DIP2A: variants seen among roughly 807,000 people sequenced by gnomAD.
DIP2A encodes disco-interacting protein 2 homolog A.
DIP2A carries 85 observed loss-of-function variants against 177.4 expected under a neutral mutation model. The ratio of observed to expected loss-of-function variants is 0.48; its 90% CI spans 0.40 to 0.57. The LOEUF (loss-of-function observed/expected upper bound fraction) is 0.57. Ranked by LOEUF, DIP2A falls within the 20% of genes least tolerant of loss-of-function variation. The pLI is 0.00. For missense variants in DIP2A, 1,791 were observed against 2,100.2 expected, an observed-to-expected ratio of 0.85 and a Z score of 2.88; for synonymous variants, 886 against 881.8, an observed-to-expected ratio of 1.00 and a Z score of -0.08.
the DIP2A span, among the ~76,000 whole-genome samples, chr21:46,577,648 C>CT: frequency 2.0e-5 from 3 of 151,988 alleles, no homozygotes; most frequent in Non-Finnish European, 4.4e-5. Context: ...TTTAAAATAG[C>CT]TTTTTTTCTA....
Position 46,497,075 on chromosome 21 carries a change from T to G in DIP2A, c.371T>G (p.Val124Gly), listed in dbSNP as rs373442777. The change falls in exon 4 of 38, where the codon GTG becomes GGG. Residue 124 changes from valine (V) to glycine (G), a missense_variant. By Grantham distance (109) the Val-to-Gly change is moderately radical. Coordinates refer to ENST00000417564, the MANE Select transcript of DIP2A (RefSeq NM_015151.4). ...PMPSKRRSVL[V>G]HSSVETYTPP... ...CCTTCGAAGAGACGTTCTGTCCTTG[T>G]GCATTCGTCTGTGGAAACCTACACC... 6 of 1,613,976 alleles carry G rather than the reference T, an allele frequency of 3.7e-6. No homozygotes were observed. Among genetic ancestry groups the G allele is most frequent in the Non-Finnish European group, 5.1e-6 (6 of 1,179,876 alleles).
Position 46,557,584 on chromosome 21 carries a change from G to A in DIP2A, c.3630-1G>A. 1.2e-6 allele frequency: 2 copies of A among 1,606,506 alleles called. No individual in the cohort carries two copies. Among genetic ancestry groups the A allele is most frequent in the Non-Finnish European group, 1.7e-6 (2 of 1,174,562 alleles). ...AGCCTCACGAGCCTTCCCTCTCGCA[G>A]TGTCTACTCGGGACACCAATCAGTG... On this transcript the variant is annotated splice_acceptor_variant, in intron 30 of 37. Transcript: ENST00000417564. LOFTEE classifies it high-confidence loss of function. The surrounding 1 kb of genome is among the most constrained non-coding windows in gnomAD (Gnocchi z 6.0).
the DIP2A span, among the ~76,000 whole-genome samples, chr21:46,583,054 G>C: frequency 1.3e-5 from 2 of 152,132 alleles, no homozygotes; most frequent in Admixed American, 1.3e-4. Context: ...ACAGTAAAAG[G>C]ATGAGAAAAG....
Position 46,537,625 on chromosome 21 carries a change from T to G in DIP2A, c.1801+86T>G. On this transcript the variant is annotated intron_variant, in intron 15 of 37. Coordinates refer to ENST00000417564, the MANE Select transcript of DIP2A (RefSeq NM_015151.4). The surrounding 1 kb of genome is among the most constrained non-coding windows in gnomAD (Gnocchi z 4.1). The stretch of plus-strand genomic sequence containing the variant: ...TTTGGTGCTTAAGAAAAAATAAAGC[T>G]GACATGTGGAACTGCAGATGTAGGC... The G allele has an allele frequency of 7.4e-7, 1 of 1,343,714 alleles. No homozygotes were observed. Among genetic ancestry groups the G allele is most frequent in the East Asian group, 2.3e-5 (1 of 43,430 alleles). 83.2% of individuals were successfully genotyped at this position (1,343,714 alleles called of 1,614,324 possible). A position where few individuals can be genotyped will look rare whatever the true frequency, so the allele number is the denominator to read the frequency against.
Position 46,550,656 on chromosome 21 carries a change from T to G in DIP2A, c.2751T>G (p.Phe917Leu). ...ACATTTCTGAAACCAAACAGCGCTT[T>G]CTGGAAGGGACGCTGCACCCGTGTA... ...GIHISETKQRFLEGTLHPCNV... is the reference protein window; with the variant it reads ...GIHISETKQRLLEGTLHPCNV... Residue 917 changes from phenylalanine to leucine, a missense_variant, in exon 23 of 38, where the codon TTT (phenylalanine) becomes TTG (leucine). By Grantham distance (22) the Phe-to-Leu change is conservative (BLOSUM62 0). Coordinates refer to ENST00000417564, the MANE Select transcript of DIP2A (RefSeq NM_015151.4). 1 of 1,614,008 alleles carries G rather than the reference T, an allele frequency of 6.2e-7. No homozygotes were observed. The highest frequency in any genetic ancestry group is 8.5e-7 in the Non-Finnish European group (1 of 1,179,910).
In DIP2A at chr21:46,458,979, T is replaced by C. The variant is rs11701121; in HGVS notation, c.-153T>C. The C allele has an allele frequency of 0.29, 151,112 of 521,434 alleles. 22,632 individuals carry two copies. The highest frequency in any genetic ancestry group is 0.44 in the East Asian group (11,596 of 26,622). The allele number at this position is 521,434 out of a possible 1,614,324, so 32.3% of individuals were successfully genotyped here. A position where few individuals can be genotyped will look rare whatever the true frequency, so the allele number is the denominator to read the frequency against. ...GCTCGTGCCCGCGCGGGTGCGTTGC[T>C]GTCCTGGCCGCGCCCCTGTCCCGCC... On this transcript the variant is annotated 5_prime_UTR_variant, in exon 1 of 38. Coordinates refer to ENST00000417564, the MANE Select transcript of DIP2A (RefSeq NM_015151.4).
chr21:46,567,262 T>C (rs2060863757), intron 37 of DIP2A, 108 bp from the exon 38 acceptor site: 2 of 1,474,532 alleles, frequency 1.4e-6, no homozygotes, highest in Non-Finnish European at 1.8e-6. Context: ...AATAGCTGTG[T>C]GACATTGGTG....
At chr21:46,573,645 C>CAAAA (rs201994694), downstream of DIP2A, among the ~76,000 whole-genome samples, 44 of 52,972 alleles carry the variant, frequency 8.3e-4, 5 homozygotes, top group South Asian at 1.5e-3. Flanking sequence ...CCCTCTCTCA[C>CAAAA]AAAAAAAAAA....
chr21:46,495,281 T>TCTCTCTC (rs1555883154), intron 3 of DIP2A, among the ~76,000 whole-genome samples: 9 of 147,540 alleles, frequency 6.1e-5, no homozygotes, highest in East Asian at 2.0e-4. Context: ...TCTCTCTCTG[T>TCTCTCTC]TTTTGAGATG....
intron 1 of DIP2A, among the ~76,000 whole-genome samples, chr21:46,469,904 G>A (rs2055196753): frequency 6.6e-6 from 1 of 152,006 alleles, no homozygotes; most frequent in South Asian, 2.1e-4. Context: ...TATCATCAGG[G>A]CAGGTCAGGG....
In DIP2A at chr21:46,539,248, G is replaced by A. The variant is rs141886685; in HGVS notation, c.1922-629G>A. ...CACACACCTGTTGACCAGGTATTAG[G>A]GGTTTTCTTGTTTGTTAACCTGCAT... On this transcript the variant is annotated intron_variant, in intron 16 of 37. Coordinates refer to ENST00000417564, the MANE Select transcript of DIP2A (RefSeq NM_015151.4). 2.3e-4 allele frequency: 37 copies of A among 163,146 alleles called. No individual in the cohort carries two copies. The East Asian group carries it at 5.2e-3, about 23-fold the overall frequency. 10.1% of individuals were successfully genotyped at this position (163,146 alleles called of 1,614,324 possible). A position where few individuals can be genotyped will look rare whatever the true frequency, so the allele number is the denominator to read the frequency against.
chr21:46,532,135 C>T lies in DIP2A; in HGVS notation c.1203C>T (p.Leu401=), dbSNP rs552860774. The change falls in exon 10 of 38, where the codon CTC becomes CTT. Residue 401 remains leucine (L), a synonymous_variant. Transcript: ENST00000417564. ...TCTTTGTCCTGTTGTAGGTGGCGCT[C>T]GTGTTTCCGAATAGTGACCCTGTGA... ...PLLKPGDRVA[L]VFPNSDPVMF... 1.5e-5 allele frequency: 25 copies of T among 1,613,298 alleles called. No homozygotes were observed. Among genetic ancestry groups the T allele is most frequent in the East Asian group, 4.5e-5 (2 of 44,876 alleles).
intron 3 of DIP2A, among the ~76,000 whole-genome samples, chr21:46,495,244 T>TTCTC (rs371550332): frequency 0.013 from 497 of 38,084 alleles, 21 homozygotes; most frequent in East Asian, 0.051. Flanking sequence ...CTTCTCTTCT[T>TTCTC]TCTCTCTCTC....
At chr21:46,474,264 A>G (rs1431707442) in intron 1 of DIP2A, among the ~76,000 whole-genome samples, 3 of 152,214 alleles carry the variant, frequency 2.0e-5, no homozygotes, top group Non-Finnish European at 2.9e-5. Flanking sequence ...AGGAGATCTG[A>G]GTGGTGGGAC....
chr21:46,526,175 G>A (rs1336332216), intron 8 of DIP2A, among the ~76,000 whole-genome samples: 1 of 151,862 alleles, frequency 6.6e-6, no homozygotes, highest in African/African-American at 2.4e-5. Flanking sequence ...CTCCCAAAGT[G>A]CTAGGATTAC....
At chr21:46,495,355 G>C (rs557220129) in intron 3 of DIP2A, among the ~76,000 whole-genome samples, 28 of 148,536 alleles carry the variant, frequency 1.9e-4, no homozygotes, top group African/African-American at 6.9e-4. Context: ...CACAATCTCT[G>C]CCTCCCGGGT....
intron 5 of DIP2A, among the ~76,000 whole-genome samples, chr21:46,503,914 CG>C (rs1418281260): frequency 1.3e-5 from 2 of 152,090 alleles, no homozygotes; most frequent in Non-Finnish European, 1.5e-5. Flanking sequence ...TTAGTAGAGA[CG>C]GGGTTTCGCC....
chr21:46,560,685 C>G (rs375179011), intron 32 of DIP2A, 37 bp from the exon 33 acceptor site: 1 of 1,584,106 alleles, frequency 6.3e-7, no homozygotes, highest in Non-Finnish European at 8.6e-7. Flanking sequence ...TTAAGTGAGG[C>G]CCCTGAACAG....
Position 46,557,530 on chromosome 21 carries a change from A to C in DIP2A, c.3630-55A>C, listed in dbSNP as rs1028773095. 9.0e-6 allele frequency: 14 copies of C among 1,549,462 alleles called. No individual in the cohort carries two copies. In the South Asian group the frequency reaches 1.6e-4, roughly 18 times the overall value. ...GTGTTCTTGAGGAAGGGAAGAGTGGAGTGCCCAGGGTGCTGGGTGGGCGGG... is the reference window on the plus strand; with the variant it reads ...GTGTTCTTGAGGAAGGGAAGAGTGGCGTGCCCAGGGTGCTGGGTGGGCGGG... On this transcript the variant is annotated intron_variant, in intron 30 of 37. Coordinates refer to ENST00000417564, the MANE Select transcript of DIP2A (RefSeq NM_015151.4). The surrounding 1 kb of genome is among the most constrained non-coding windows in gnomAD (Gnocchi z 6.0).
Sources: gnomAD v4.1 joint callset for allele counts (sites outside exome capture counted in the v4.1 genomes callset) on GRCh38, gnomAD v4.1.1 for gene constraint, Gnocchi (gnomAD v3.1) non-coding constraint, MANE v1.5 for transcripts, NCBI Gene and HGNC (gene_info 2026-07-23, HGNC 2026-07-21) for gene names.